Variants in NCALD observed in about 807,000 individuals in gnomAD.
NCALD encodes neurocalcin-delta.
In NCALD, 10 loss-of-function variants were observed where a neutral mutation model predicts 18.6. That is an observed-to-expected ratio of 0.54 (90% CI 0.33 to 0.91). The LOEUF is 0.91. NCALD is among the 40% of genes least tolerant of loss of function. The pLI is 0.03. For synonymous variants in NCALD, 88 were observed against 87.4 expected, an observed-to-expected ratio of 1.01 and a Z score of -0.04; for missense variants, 184 against 247.6, an observed-to-expected ratio of 0.74 and a Z score of 1.72.
chr8:101,729,603 T>C (rs1016142758), intron 1 of NCALD, among the ~76,000 whole-genome samples: 1 of 152,112 alleles, frequency 6.6e-6, no homozygotes, highest in African/African-American at 2.4e-5. Context: ...TGACTGGGTT[T>C]GAGATGAGAA....
At chr8:101,878,760 G>A (rs1816336283) in intron 4 of NCALD, among the ~76,000 whole-genome samples, 1 of 152,172 alleles carries the variant, frequency 6.6e-6, no homozygotes, top group South Asian at 2.1e-4. Flanking sequence ...TATAAGTAAA[G>A]TATGATGATC....
At chr8:101,803,184 A>G (rs565527266) in intron 4 of NCALD, among the ~76,000 whole-genome samples, 19 of 152,328 alleles carry the variant, frequency 1.2e-4, no homozygotes, top group Admixed American at 1.0e-3. Context: ...GTGCTCATTT[A>G]CCATTCCAAA....
chr8:101,980,271 G>A (rs1056301109), intron 2 of NCALD, among the ~76,000 whole-genome samples: 2 of 152,182 alleles, frequency 1.3e-5, no homozygotes, highest in African/African-American at 2.4e-5. Context: ...CACATTAGAT[G>A]CTGTGTCACA....
chr8:101,996,094 G>A (rs891978019), intron 2 of NCALD, among the ~76,000 whole-genome samples: 1 of 152,206 alleles, frequency 6.6e-6, no homozygotes, highest in African/African-American at 2.4e-5. Context: ...CATACCAAGG[G>A]CTTGGCATGG....
chr8:101,923,145 G>C (rs961502302), intron 2 of NCALD, among the ~76,000 whole-genome samples: 1 of 152,212 alleles, frequency 6.6e-6, no homozygotes, highest in Non-Finnish European at 1.5e-5. Flanking sequence ...GAGGACACAA[G>C]AAGAAGCACC....
intron 4 of NCALD, among the ~76,000 whole-genome samples, chr8:101,803,850 T>G (rs891115152): frequency 7.9e-5 from 12 of 152,202 alleles, no homozygotes; most frequent in African/African-American, 2.4e-4. Flanking sequence ...ACATAAAGTA[T>G]GTTGACAAAG....
chr8:101,961,044 C>A (rs1716620301), intron 2 of NCALD, among the ~76,000 whole-genome samples: 1 of 152,146 alleles, frequency 6.6e-6, no homozygotes, highest in Non-Finnish European at 1.5e-5. Flanking sequence ...CTTATTTAAT[C>A]ATTGTCTACT....
intron 2 of NCALD, among the ~76,000 whole-genome samples, chr8:101,957,830 G>A (rs921840459): frequency 9.2e-5 from 14 of 152,178 alleles, no homozygotes; most frequent in African/African-American, 3.4e-4. Context: ...TTTCAGAGCT[G>A]AGACCCTACC....
At chr8:101,848,859 G>A (rs1233002042) in intron 4 of NCALD, among the ~76,000 whole-genome samples, 1 of 151,828 alleles carries the variant, frequency 6.6e-6, no homozygotes, top group East Asian at 1.9e-4. Context: ...CCCATTACTG[G>A]GTATATACCC....
chr8:102,072,319 C>T (rs1443175929), intron 1 of NCALD, among the ~76,000 whole-genome samples: 1 of 152,084 alleles, frequency 6.6e-6, no homozygotes, highest in African/African-American at 2.4e-5. Flanking sequence ...GGAGGGGCAG[C>T]ACTCAGCAAG....
chr8:101,868,016 A>G (rs1356647773), intron 4 of NCALD, among the ~76,000 whole-genome samples: 3 of 152,110 alleles, frequency 2.0e-5, no homozygotes, highest in South Asian at 2.1e-4. Flanking sequence ...ATAGGTTTTT[A>G]GTTTTGCTAA....
chr8:101,776,554 G>A (rs185311154), intron 1 of NCALD, among the ~76,000 whole-genome samples: 2 of 152,176 alleles, frequency 1.3e-5, no homozygotes, highest in Admixed American at 1.3e-4. Flanking sequence ...AGGCATTGGA[G>A]CAAGGAAGTT....
At chr8:101,987,961 T>C (rs1270936926) in intron 2 of NCALD, among the ~76,000 whole-genome samples, 2 of 151,970 alleles carry the variant, frequency 1.3e-5, no homozygotes, top group African/African-American at 2.4e-5. Flanking sequence ...GAGACCATCT[T>C]GGCTAACACG....
At chr8:101,855,671 CT>C (rs2131347984) in intron 4 of NCALD, among the ~76,000 whole-genome samples, 1 of 152,128 alleles carries the variant, frequency 6.6e-6, no homozygotes, top group African/African-American at 2.4e-5. Flanking sequence ...GCATCAGGGC[CT>C]CAGATGGAAG....
chr8:101,718,757 G>A (rs1185448102), intron 2 of NCALD, among the ~76,000 whole-genome samples: 2 of 152,192 alleles, frequency 1.3e-5, no homozygotes, highest in African/African-American at 4.8e-5. Context: ...CATGATGGAA[G>A]GGGTGTTGGA....
At chr8:101,692,584 T>C (rs1814779510) in intron 3 of NCALD, 2 of 985,194 alleles carry the variant, frequency 2.0e-6, no homozygotes, top group African/African-American at 3.5e-5. Context: ...ACAAGGAGGA[T>C]AGAAAAAACT....
At chr8:101,910,772 C>T (rs1016461005) in intron 3 of NCALD, among the ~76,000 whole-genome samples, 4 of 152,116 alleles carry the variant, frequency 2.6e-5, no homozygotes, top group African/African-American at 9.7e-5. Context: ...GCAAATATAT[C>T]TGATAAAACC....
At chr8:101,934,637 T>C (rs939009683) in intron 2 of NCALD, among the ~76,000 whole-genome samples, 2 of 150,724 alleles carry the variant, frequency 1.3e-5, no homozygotes, top group African/African-American at 4.9e-5. Flanking sequence ...AAGAAAGCCA[T>C]GAGTGAATTT....
chr8:102,079,157 G>A (rs7812418), intron 1 of NCALD, among the ~76,000 whole-genome samples: 13,475 of 152,156 alleles, frequency 0.089, 1,590 homozygotes, highest in African/African-American at 0.27. Context: ...TTGGGAGTTC[G>A]CTGTGTCCTT....
Sources: gnomAD v4.1 joint callset for allele counts (sites outside exome capture counted in the v4.1 genomes callset) on GRCh38, gnomAD v4.1.1 for gene constraint, MANE v1.5 for transcripts, NCBI Gene and HGNC (gene_info 2026-07-23, HGNC 2026-07-21) for gene names.